The following BAIAP2 variants were observed in gnomAD, a reference collection of about 807,000 sequenced individuals.
The protein encoded by BAIAP2 is BAR/IMD domain-containing adapter protein 2.
A neutral mutation model predicts 63.0 loss-of-function variants in BAIAP2; 18 were observed. The observed-to-expected ratio is 0.29, with a 90% CI of 0.20 to 0.42. The LOEUF is 0.42. BAIAP2 is among the 10% of genes least tolerant of loss of function. The pLI, the probability that BAIAP2 is intolerant of heterozygous loss-of-function variation, is 1.00. For synonymous variants in BAIAP2, 386 were observed against 307.6 expected (o/e 1.25, Z -2.67); for missense variants, 610 against 734.3 (o/e 0.83, Z 1.96).
At chr17:81,112,778 C>T (rs2060069485) in intron 13 of BAIAP2, among the ~76,000 whole-genome samples, 1 of 152,214 alleles carries the variant, frequency 6.6e-6, no homozygotes, top group African/African-American at 2.4e-5. Context: ...TGGCCGAGCG[C>T]CGTGGCCCAC....
rs527414592 is a variant in BAIAP2, at chr17:81,092,855, C to G, written c.489+6275C>G. On this transcript the variant is annotated intron_variant, in intron 6 of 13. Transcript: ENST00000428708. ...CATGCTGGGGCAGGGGACACCTTCT[C>G]TGTGGGTTTATCAGTGTGTCCGCGG... is the stretch of plus-strand genomic sequence containing the variant. 8.5e-5 allele frequency among the ~76,000 whole-genome samples: 13 copies of G among 152,314 alleles called. No homozygotes were observed. In the East Asian group the frequency reaches 2.3e-3, roughly 27 times the overall value.
chr17:81,107,594 C>G (rs868839434), intron 12 of BAIAP2: 1 of 152,358 alleles, frequency 6.6e-6, no homozygotes, highest in Non-Finnish European at 1.5e-5. Context: ...AGACCCCTGT[C>G]TGTCTGGGGC....
At chr17:81,050,742 C>T (rs552821666) in intron 1 of BAIAP2, among the ~76,000 whole-genome samples, 2 of 148,466 alleles carry the variant, frequency 1.3e-5, no homozygotes, top group African/African-American at 2.5e-5. Flanking sequence ...CACATGCACA[C>T]GTGGACACAC....
intron 7 of BAIAP2, among the ~76,000 whole-genome samples, chr17:81,102,723 G>A (rs754094784): frequency 1.2e-5 from 1 of 81,138 alleles, no homozygotes; most frequent in Non-Finnish European, 2.8e-5. Flanking sequence ...AGAAGGGAAC[G>A]GGGATGAGTT....
chr17:81,086,022 C>T (rs1351097227), intron 5 of BAIAP2, among the ~76,000 whole-genome samples: 6 of 152,310 alleles, frequency 3.9e-5, no homozygotes, highest in African/African-American at 1.2e-4. Context: ...GCAGGAGCTC[C>T]TTCTCTGGCC....
At chr17:81,073,216 G>A (rs572561100) in intron 3 of BAIAP2, among the ~76,000 whole-genome samples, 3 of 152,098 alleles carry the variant, frequency 2.0e-5, no homozygotes, top group African/African-American at 4.8e-5. Flanking sequence ...CCTCCTTCTC[G>A]GACCTTCCCC....
chr17:81,090,483 C>G (rs1351372092), intron 6 of BAIAP2, among the ~76,000 whole-genome samples: 1 of 152,216 alleles, frequency 6.6e-6, no homozygotes, highest in Non-Finnish European at 1.5e-5. Flanking sequence ...TCAGGAAGGG[C>G]TAGGTCTCAT....
chr17:81,100,169 C>A, intron 7 of BAIAP2, 89 bp downstream of exon 7: 1 of 1,439,502 alleles, frequency 6.9e-7, no homozygotes, highest in South Asian at 1.4e-5. Context: ...GCCCCGTGAA[C>A]ACACCGGGGC....
rs779457691 is a variant in BAIAP2 at position 81,100,116 on chromosome 17, G to A, written c.642+36G>A. 3.8e-5 allele frequency: 60 copies of A among 1,578,914 alleles called. No homozygotes were observed. The East Asian group carries it at 1.3e-3, about 35-fold the overall frequency. On this transcript the variant is annotated intron_variant, in intron 7 of 13. Coordinates refer to ENST00000428708, the MANE Select transcript of BAIAP2 (RefSeq NM_001144888.2). ...TGGGGGCTGCGCTGTGCCGGCGCTG[G>A]GCCTTGCTGGCAGAAATGACCCAGG... is the stretch of plus-strand genomic sequence containing the variant.
rs369917301 is a variant in BAIAP2 at position 81,084,910 on chromosome 17, C to A, written c.279+17C>A. The A allele has an allele frequency of 4.3e-6, 7 of 1,613,028 alleles. No homozygotes were observed. The African/African-American group carries it at 8.0e-5, about 18-fold the overall frequency. Reference sequence around the variant, plus strand: ...GAAGAAATGGTGAGTCCACCCCCAGCGTGGCCCTGCGAGGAGGGGCAGGTG... The same window carrying A: ...GAAGAAATGGTGAGTCCACCCCCAGAGTGGCCCTGCGAGGAGGGGCAGGTG... On this transcript the variant is annotated intron_variant, in intron 4 of 13. Coordinates refer to ENST00000428708, the MANE Select transcript of BAIAP2 (RefSeq NM_001144888.2).
intron 13 of BAIAP2, chr17:81,108,776 G>A (rs1052797947): frequency 1.4e-5 from 14 of 999,908 alleles, no homozygotes; most frequent in Non-Finnish European, 1.9e-5. Context: ...GGTAGCTGAG[G>A]CTGGCATCCA....
chr17:81,104,247 T>TA, intron 9 of BAIAP2, 139 bp downstream of exon 9: 70 of 977,766 alleles, frequency 7.2e-5, no homozygotes, highest in Middle Eastern at 2.6e-4. Flanking sequence ...TACATGCATG[T>TA]GGTACACACA....
intron 3 of BAIAP2, among the ~76,000 whole-genome samples, chr17:81,064,957 C>A (rs956557566): frequency 1.3e-5 from 2 of 152,226 alleles, no homozygotes; most frequent in Admixed American, 1.3e-4. Context: ...GGCAGCCACC[C>A]ACACTTGGCT....
chr17:81,080,552 G>A (rs1029972103), intron 3 of BAIAP2, among the ~76,000 whole-genome samples: 3 of 151,594 alleles, frequency 2.0e-5, no homozygotes, highest in African/African-American at 7.3e-5. Flanking sequence ...AGAACCCCCT[G>A]AGAAGCTCCA....
intron 2 of BAIAP2, chr17:81,057,600 A>C: frequency 8.9e-7 from 1 of 1,124,538 alleles, no homozygotes; most frequent in African/African-American, 1.6e-5. Context: ...AGCACGTGAT[A>C]GGGATCAGCT....
chr17:81,112,076 C>T (rs976514261), intron 13 of BAIAP2, among the ~76,000 whole-genome samples: 1 of 152,232 alleles, frequency 6.6e-6, no homozygotes, highest in Non-Finnish European at 1.5e-5. Flanking sequence ...TGGAGATGCT[C>T]TGGGTTGGCC....
At chr17:81,099,721 C>T (rs2058232272) in intron 6 of BAIAP2, among the ~76,000 whole-genome samples, 1 of 152,132 alleles carries the variant, frequency 6.6e-6, no homozygotes, top group Non-Finnish European at 1.5e-5. Context: ...GGGATGTGGC[C>T]ATCGGGCATC....
intron 6 of BAIAP2, chr17:81,098,247 GC>G: frequency 8.0e-7 from 1 of 1,257,122 alleles, no homozygotes; most frequent in South Asian, 2.6e-5. Flanking sequence ...AGGCGCCTCT[GC>G]CCAGGATGGG....
chr17:81,104,308 G>GT (rs1278667232), intron 9 of BAIAP2, among the ~76,000 whole-genome samples, 200 bp downstream of exon 9: 1 of 152,214 alleles, frequency 6.6e-6, no homozygotes. Context: ...CTGGTGCTCA[G>GT]TGGGGGCATG....
Sources: allele counts gnomAD v4.1 joint callset (sites outside exome capture counted in the v4.1 genomes callset), GRCh38; gene constraint gnomAD v4.1.1; transcripts MANE v1.5; gene names NCBI Gene and HGNC (gene_info 2026-07-23, HGNC 2026-07-21).